Variants in ACOX2 observed in about 807,000 individuals in gnomAD.
The protein encoded by ACOX2 is acyl-CoA oxidase 2.
Under a neutral mutation model 77.5 loss-of-function variants are expected in ACOX2, and 59 were observed. The observed-to-expected ratio is 0.76, with a 90% CI of 0.62 to 0.95. The LOEUF (loss-of-function observed/expected upper bound fraction) is 0.95. Ranked by LOEUF, ACOX2 falls within the 40% of genes least tolerant of loss-of-function variation. ACOX2 has a pLI of 0.00. For synonymous variants in ACOX2, 317 were observed against 340.1 expected (o/e 0.93, Z 0.75); for missense variants, 837 against 880.4 (o/e 0.95, Z 0.62).
rs2063417102 is a variant in ACOX2, at chr3:58,528,961, A to G, written c.993-5T>C. Reference sequence around the variant, plus strand: ...AGGACCTTTGCCTCTGGGTCACTGAAGGGAAAAGAACCAGAAGATTTAGAT... The same window carrying G: ...AGGACCTTTGCCTCTGGGTCACTGAGGGGAAAAGAACCAGAAGATTTAGAT... On this transcript the variant is annotated splice_polypyrimidine_tract_variant and splice_region_variant and intron_variant, in intron 8 of 14. Coordinates refer to ENST00000302819, the MANE Select transcript of ACOX2 (RefSeq NM_003500.4). This position sits in a 1 kb window ranked among gnomAD's most constrained non-coding sequence, Gnocchi z 5.6. The G allele has an allele frequency of 1.2e-6, 2 of 1,606,006 alleles. No individual in the cohort carries two copies. The highest frequency in any genetic ancestry group is 1.3e-5 in the African/African-American group (1 of 74,736).
rs922533882 is a variant in ACOX2 at position 58,531,201 on chromosome 3, A to G, written c.819+50T>C. ...CCCAGGCCCAGCCTGCACAAAGCGC[A>G]GGTCCCCTCTCCAGGAAGTACAAGT... On this transcript the variant is annotated intron_variant, in intron 7 of 14. Transcript: ENST00000302819. This position sits in a 1 kb window ranked among gnomAD's most constrained non-coding sequence, Gnocchi z 5.8. The G allele has an allele frequency of 4.5e-6, 7 of 1,552,304 alleles. No homozygotes were observed. Among genetic ancestry groups the G allele is most frequent in the Non-Finnish European group, 6.2e-6 (7 of 1,131,600 alleles).
Position 58,522,685 on chromosome 3 carries a change from G to T in ACOX2, c.1527-84C>A. ...GGCTTCCTGTGGTCCCTCAGAAGTA[G>T]AAATAATGCCTGTTTATTGACCACT... On this transcript the variant is annotated intron_variant, in intron 11 of 14. Transcript: ENST00000302819. The surrounding 1 kb of genome is among the most constrained non-coding windows in gnomAD (Gnocchi z 4.3). The T allele has an allele frequency of 8.5e-7, 1 of 1,170,010 alleles. No individual in the cohort carries two copies. Among genetic ancestry groups the T allele is most frequent in the Non-Finnish European group, 1.3e-6 (1 of 780,220 alleles). The allele number at this position is 1,170,010 out of a possible 1,614,324, so 72.5% of individuals were successfully genotyped here. A position where few individuals can be genotyped will look rare whatever the true frequency, so the allele number is the denominator to read the frequency against.
rs1294724075 is a variant in ACOX2 at position 58,515,663 on chromosome 3, C to T, written c.1850+1543G>A. Among the ~76,000 whole-genome samples the T allele has an allele frequency of 6.6e-6, 1 of 152,104 alleles. No individual in the cohort carries two copies. Among genetic ancestry groups the T allele is most frequent in the Non-Finnish European group, 1.5e-5 (1 of 68,020 alleles). On this transcript the variant is annotated intron_variant, in intron 13 of 14. Coordinates refer to ENST00000302819, the MANE Select transcript of ACOX2 (RefSeq NM_003500.4). This position sits in a 1 kb window ranked among gnomAD's most constrained non-coding sequence, Gnocchi z 4.0. ...TGGAGATTCTAGGAGTCGCCTCTAACCCCATGCAATAGGTATCATATTTTC... is the reference window on the plus strand; with the variant it reads ...TGGAGATTCTAGGAGTCGCCTCTAATCCCATGCAATAGGTATCATATTTTC...
chr3:58,510,650 A>AT (rs2063272837), intron 13 of ACOX2, among the ~76,000 whole-genome samples: 2 of 38,740 alleles, frequency 5.2e-5, no homozygotes, highest in Admixed American at 4.1e-4. Flanking sequence ...AAAAAAAAAA[A>AT]AAAAAAAAAA....
chr3:58,530,259 GC>G (rs1472430247), intron 8 of ACOX2, among the ~76,000 whole-genome samples: 14 of 152,246 alleles, frequency 9.2e-5, no homozygotes, highest in African/African-American at 3.4e-4. Context: ...CGGCTGGTCA[GC>G]CCTGTTAGAG....
At chr3:58,518,804 T>G (rs2063339800) in intron 12 of ACOX2, among the ~76,000 whole-genome samples, 1 of 151,806 alleles carries the variant, frequency 6.6e-6, no homozygotes, top group South Asian at 2.1e-4. Flanking sequence ...GGCTTTTTTT[T>G]TTTTTTGTAT....
chr3:58,530,358 T>G (rs1356370622), intron 8 of ACOX2, 108 bp downstream of exon 8: 3 of 1,463,328 alleles, frequency 2.1e-6, no homozygotes, highest in Non-Finnish European at 2.8e-6. Context: ...TGGGGGGCAT[T>G]GCCTGCTCCC....
Position 58,522,438 on chromosome 3 carries a change from G to A in ACOX2, c.1632+58C>T. 1 of 1,547,966 alleles carries A rather than the reference G, an allele frequency of 6.5e-7. No individual in the cohort carries two copies. Among genetic ancestry groups the A allele is most frequent in the East Asian group, 2.2e-5 (1 of 44,464 alleles). On this transcript the variant is annotated intron_variant, in intron 12 of 14. Coordinates refer to ENST00000302819, the MANE Select transcript of ACOX2 (RefSeq NM_003500.4). This position sits in a 1 kb window ranked among gnomAD's most constrained non-coding sequence, Gnocchi z 4.3. ...GGCAGAGCCCGGATTTTCCCAGCAGGGTAGCCTGCCTGGGAAGCAAAATGG... is the reference window on the plus strand; with the variant it reads ...GGCAGAGCCCGGATTTTCCCAGCAGAGTAGCCTGCCTGGGAAGCAAAATGG...
chr3:58,533,975 C>T lies in ACOX2; in HGVS notation c.475+19G>A, dbSNP rs778429752. The stretch of plus-strand genomic sequence containing the variant: ...TGCAGTGCACAACCTAAACACCACA[C>T]GCAGCAGTCCTAGCTCACCATGTCC... On this transcript the variant is annotated intron_variant, in intron 4 of 14. Transcript: ENST00000302819. This position sits in a 1 kb window ranked among gnomAD's most constrained non-coding sequence, Gnocchi z 5.6. 77 of 1,613,524 alleles carry T rather than the reference C, an allele frequency of 4.8e-5. No homozygotes were observed. In the Middle Eastern group the frequency reaches 4.9e-4, roughly 10 times the overall value.
chr3:58,531,148 T>C lies in ACOX2; in HGVS notation c.819+103A>G. Reference sequence around the variant, plus strand: ...GAGCCTCTCTTGGGGGAGGAGGTTATGTGGCCCAAACTAAGCTCTATGGAG... The same window carrying C: ...GAGCCTCTCTTGGGGGAGGAGGTTACGTGGCCCAAACTAAGCTCTATGGAG... On this transcript the variant is annotated intron_variant, in intron 7 of 14. Transcript: ENST00000302819. This position sits in a 1 kb window ranked among gnomAD's most constrained non-coding sequence, Gnocchi z 5.8. 2 of 985,966 alleles carry C rather than the reference T, an allele frequency of 2.0e-6. No homozygotes were observed. The highest frequency in any genetic ancestry group is 3.0e-6 in the Non-Finnish European group (2 of 662,058). 61.1% of individuals were successfully genotyped at this position (985,966 alleles called of 1,614,324 possible). A position where few individuals can be genotyped will look rare whatever the true frequency, so the allele number is the denominator to read the frequency against.
intron 13 of ACOX2, among the ~76,000 whole-genome samples, chr3:58,509,248 C>A (rs370706567): frequency 6.6e-6 from 1 of 152,112 alleles, no homozygotes; most frequent in Non-Finnish European, 1.5e-5. Context: ...GCATATCCGG[C>A]CATGCGTGGT....
In ACOX2 at chr3:58,534,482, G is replaced by A. The variant is rs2063466126; in HGVS notation, c.201C>T (p.Asp67=). 1 of 1,614,184 alleles carries A rather than the reference G, an allele frequency of 6.2e-7. No homozygotes were observed. The highest frequency in any genetic ancestry group is 8.5e-7 in the Non-Finnish European group (1 of 1,180,036). The change falls in exon 3 of 15, where the codon GAC becomes GAT. Residue 67 remains aspartate, a synonymous_variant. Coordinates refer to ENST00000302819, the MANE Select transcript of ACOX2 (RefSeq NM_003500.4). This position sits in a 1 kb window ranked among gnomAD's most constrained non-coding sequence, Gnocchi z 4.8. ...IHSYPEFSCK[D]NYFMTQNERY... ...GCTCATTCTGGGTCATGAAATAATTGTCCTTACAGCTAAACTCCGGGTAAC... is the reference window on the plus strand; with the variant it reads ...GCTCATTCTGGGTCATGAAATAATTATCCTTACAGCTAAACTCCGGGTAAC...
intron 12 of ACOX2, among the ~76,000 whole-genome samples, chr3:58,518,587 G>A (rs2063338416): frequency 6.6e-6 from 1 of 152,204 alleles, no homozygotes; most frequent in Admixed American, 6.5e-5. Flanking sequence ...GGATATATGA[G>A]TTCTATAAGG....
At position 58,517,449 on chromosome 3, in the gene ACOX2, C is replaced by T. The variant is rs972822873; in HGVS notation, c.1633-26G>A. ...CTACAAAGACACAAAGATATGTTCT[C>T]CTGATTTCTGGTTTTCTACTCCAGA... On this transcript the variant is annotated intron_variant, in intron 12 of 14. Transcript: ENST00000302819. The T allele has an allele frequency of 2.5e-6, 4 of 1,607,088 alleles. No individual in the cohort carries two copies. The African/African-American group carries it at 4.0e-5, about 16-fold the overall frequency.
intron 8 of ACOX2, 107 bp from the exon 9 acceptor site, chr3:58,529,063 T>G: frequency 8.4e-7 from 1 of 1,184,704 alleles, no homozygotes; most frequent in Non-Finnish European, 1.1e-6. Context: ...TTAGAACTCA[T>G]TGCAAAACTT....
Position 58,534,604 on chromosome 3 carries a change from T to C in ACOX2, c.161-82A>G, listed in dbSNP as rs758834299. On this transcript the variant is annotated intron_variant, in intron 2 of 14. Transcript: ENST00000302819. The surrounding 1 kb of genome is among the most constrained non-coding windows in gnomAD (Gnocchi z 4.8). The stretch of plus-strand genomic sequence containing the variant: ...GAAATCTTCTCACCCACTTGCTTCA[T>C]GGATCTGGAAAGGAAGTCAGACATT... 2 of 1,610,034 alleles carry C rather than the reference T, an allele frequency of 1.2e-6. No individual in the cohort carries two copies. Among genetic ancestry groups the C allele is most frequent in the Non-Finnish European group, 1.7e-6 (2 of 1,178,986 alleles).
rs994871939 is a variant in ACOX2, at chr3:58,521,628, T to C, written c.1632+868A>G. On this transcript the variant is annotated intron_variant, in intron 12 of 14. Transcript: ENST00000302819. The surrounding 1 kb of genome is among the most constrained non-coding windows in gnomAD (Gnocchi z 4.8). ...CATCCTGGGCAACCTGCATGATTCTTCTAGAATGAAACTGATCACTTTACC... is the reference window on the plus strand; with the variant it reads ...CATCCTGGGCAACCTGCATGATTCTCCTAGAATGAAACTGATCACTTTACC... 6.6e-6 allele frequency among the ~76,000 whole-genome samples: 1 copy of C among 152,186 alleles called. No individual in the cohort carries two copies. Among genetic ancestry groups the C allele is most frequent in the Non-Finnish European group, 1.5e-5 (1 of 68,032 alleles).
In ACOX2 at chr3:58,522,542, T is replaced by C. The variant is rs770502898; in HGVS notation, c.1586A>G (p.His529Arg). 3 of 1,614,180 alleles carry C rather than the reference T, an allele frequency of 1.9e-6. No homozygotes were observed. Among genetic ancestry groups the C allele is most frequent in the Middle Eastern group, 3.3e-4 (2 of 6,062 alleles). ...QTLTQSGADQ[H>R]EAWNQTTVIH... Reference sequence around the variant, plus strand: ...GACAGTGGTCTGGTTCCAAGCCTCGTGCTGGTCAGCTCCGGATTGCGTCAG... The same window carrying C: ...GACAGTGGTCTGGTTCCAAGCCTCGCGCTGGTCAGCTCCGGATTGCGTCAG... The change falls in exon 12 of 15, where the codon CAC (histidine) becomes CGC (arginine). Residue 529 changes from histidine (H) to arginine (R), a missense_variant. Transcript: ENST00000302819. This position sits in a 1 kb window ranked among gnomAD's most constrained non-coding sequence, Gnocchi z 4.3.
rs1576990875 is a variant in ACOX2 at position 58,517,264 on chromosome 3, A to G, written c.1792T>C (p.Ser598Pro). Residue 598 changes from serine to proline, a missense_variant, in exon 13 of 15, where the codon TCT (serine) becomes CCT (proline). Transcript: ENST00000302819. ...CTTGCCATGTCCACTTGGGCACCAG[A>G]CAGGAAGGCGTCATGGAGAAAGTCA... ...SGDFLHDAFL[S>P]GAQVDMARTA... 5 of 1,614,182 alleles carry G rather than the reference A, an allele frequency of 3.1e-6. No individual in the cohort carries two copies. In the South Asian group the frequency reaches 4.4e-5, roughly 14 times the overall value.
Sources: allele counts gnomAD v4.1 joint callset (sites outside exome capture counted in the v4.1 genomes callset), GRCh38; gene constraint gnomAD v4.1.1; non-coding constraint Gnocchi (gnomAD v3.1); transcripts MANE v1.5; gene names NCBI Gene and HGNC (gene_info 2026-07-23, HGNC 2026-07-21).